Variants in ASTN1 observed in about 807,000 individuals in gnomAD.
The protein encoded by ASTN1 is astrotactin 1, also known as astrotactin-1.
ASTN1 carries 41 observed loss-of-function variants against 140.7 expected under a neutral mutation model. The ratio of observed to expected loss-of-function variants is 0.29; its 90% CI spans 0.23 to 0.38. ASTN1 has a LOEUF of 0.38. ASTN1 is among the 10% of genes least tolerant of loss of function. The probability of loss-of-function intolerance (pLI) is 1.00; values close to 1 mark genes in which losing one functional copy is unlikely to be tolerated. For synonymous variants in ASTN1, 640 were observed against 652.2 expected (o/e 0.98, Z 0.29); for missense variants, 1,479 against 1,678.8 (o/e 0.88, Z 2.08).
At chr1:176,950,766 G>C (rs75618537) in intron 11 of ASTN1, among the ~76,000 whole-genome samples, 18,123 of 152,018 alleles carry the variant, frequency 0.12, 1,371 homozygotes, top group East Asian at 0.18. Flanking sequence ...TCCAATGCTG[G>C]GGCTTTTAAT....
intron 19 of ASTN1, among the ~76,000 whole-genome samples, chr1:176,883,667 A>G (rs1460678907): frequency 6.6e-6 from 1 of 152,206 alleles, no homozygotes; most frequent in East Asian, 1.9e-4. Flanking sequence ...CCTCAGTGGC[A>G]GGCTCACCAG....
intron 8 of ASTN1, among the ~76,000 whole-genome samples, chr1:176,992,851 C>T (rs894784732): frequency 1.3e-5 from 2 of 152,226 alleles, no homozygotes; most frequent in South Asian, 2.1e-4. Flanking sequence ...TTGTCACCCC[C>T]GAAACTCCAC....
chr1:177,151,141 A>G (rs1204582151), intron 1 of ASTN1, among the ~76,000 whole-genome samples: 1 of 152,032 alleles, frequency 6.6e-6, no homozygotes, highest in Non-Finnish European at 1.5e-5. Flanking sequence ...AAAGATGTAT[A>G]TTTTCAAACA....
intron 1 of ASTN1, among the ~76,000 whole-genome samples, chr1:177,122,314 C>A (rs1332604669): frequency 6.6e-6 from 1 of 152,104 alleles, no homozygotes; most frequent in Non-Finnish European, 1.5e-5. Context: ...AGAGGCAGAG[C>A]ACGATGCCAC....
intron 1 of ASTN1, among the ~76,000 whole-genome samples, chr1:177,161,060 A>G (rs890081039): frequency 6.6e-5 from 10 of 152,110 alleles, no homozygotes; most frequent in African/African-American, 2.2e-4. Flanking sequence ...CAATTTGCAA[A>G]CCCCATCTCA....
chr1:176,934,003 C>G (rs1571530882), intron 16 of ASTN1, 149 bp downstream of exon 16: 2 of 862,474 alleles, frequency 2.3e-6, no homozygotes, highest in Admixed American at 3.2e-5. Flanking sequence ...GCAACCAAAC[C>G]TTGGAAATGT....
chr1:176,954,287 A>C (rs1388642998), intron 11 of ASTN1, among the ~76,000 whole-genome samples: 1 of 152,234 alleles, frequency 6.6e-6, no homozygotes, highest in Non-Finnish European at 1.5e-5. Context: ...AAGCAGAAAG[A>C]GGAGGCAGAA....
chr1:176,933,093 G>C (rs1671277915), intron 16 of ASTN1, among the ~76,000 whole-genome samples: 1 of 152,194 alleles, frequency 6.6e-6, no homozygotes, highest in African/African-American at 2.4e-5. Flanking sequence ...GGGGAATGAA[G>C]GACTGCAGCC....
rs1668222277 is a variant in ASTN1 at position 176,868,698 on chromosome 1, G to A, written c.3647+146C>T. The A allele has an allele frequency of 7.5e-6, 6 of 804,060 alleles. No homozygotes were observed. In the Admixed American group the frequency reaches 1.1e-4, roughly 14 times the overall value. 49.8% of individuals were successfully genotyped at this position (804,060 alleles called of 1,614,324 possible). The stretch of plus-strand genomic sequence containing the variant: ...TATCCAAAACTAATCTGCATGGACT[G>A]AACTGTCTTAAATCAGAGGACTGAC... On this transcript the variant is annotated intron_variant, in intron 22 of 22. Coordinates refer to ENST00000361833, the MANE Select transcript of ASTN1 (RefSeq NM_004319.3).
At chr1:177,048,386 C>A (rs1181479075) in intron 2 of ASTN1, among the ~76,000 whole-genome samples, 5 of 152,190 alleles carry the variant, frequency 3.3e-5, no homozygotes, top group Non-Finnish European at 7.3e-5. Flanking sequence ...AGGCAGAGTC[C>A]ACCATCCTAC....
intron 18 of ASTN1, 37 bp from the exon 19 acceptor site, chr1:176,884,527 C>A (rs1668949999): frequency 6.3e-7 from 1 of 1,578,302 alleles, no homozygotes; most frequent in Non-Finnish European, 8.7e-7. Flanking sequence ...AACAGGGACA[C>A]AACTGTGACT....
rs1159492378 is a variant in ASTN1 at position 177,023,541 on chromosome 1, T to C, written c.1301A>G (p.Gln434Arg). The change falls in exon 7 of 23, where the codon CAG (glutamine) becomes CGG (arginine). Residue 434 changes from glutamine to arginine, a missense_variant. Gln to Arg is a conservative substitution (Grantham distance 43). Transcript: ENST00000361833. ...GTTCAGCCAGTCACTGGCATCCAGC[T>C]GGCTCCCCTCCAGCAAGATGAAGCG... The part of the protein sequence containing the change: ...GSRFILLEGS[Q>R]LDASDWLNPA... 1.9e-6 allele frequency: 3 copies of C among 1,602,028 alleles called. No individual in the cohort carries two copies. Among genetic ancestry groups the C allele is most frequent in the South Asian group, 1.1e-5 (1 of 89,394 alleles).
At chr1:177,053,264 A>G (rs892932835) in intron 2 of ASTN1, among the ~76,000 whole-genome samples, 3 of 152,256 alleles carry the variant, frequency 2.0e-5, no homozygotes, top group Non-Finnish European at 4.4e-5. Flanking sequence ...TGAACAGAAT[A>G]TTACATCAAC....
chr1:176,863,584 G>A lies in ASTN1; in HGVS notation c.*700C>T. On this transcript the variant is annotated 3_prime_UTR_variant, in exon 23 of 23. Coordinates refer to ENST00000361833, the MANE Select transcript of ASTN1 (RefSeq NM_004319.3). The stretch of plus-strand genomic sequence containing the variant: ...CAAAGATCATGTTGTTCAGAGGAAG[G>A]GACAGAGATCTGACAGAGGGAGATT... The A allele has an allele frequency of 1.2e-5, 12 of 985,478 alleles. No homozygotes were observed. The highest frequency in any genetic ancestry group is 1.4e-5 in the Non-Finnish European group (12 of 829,982). The allele number at this position is 985,478 out of a possible 1,614,324, so 61.0% of individuals were successfully genotyped here. A position where few individuals can be genotyped will look rare whatever the true frequency, so the allele number is the denominator to read the frequency against.
At chr1:176,879,797 C>T (rs1422305419) in intron 20 of ASTN1, among the ~76,000 whole-genome samples, 3 of 152,212 alleles carry the variant, frequency 2.0e-5, no homozygotes, top group Non-Finnish European at 4.4e-5. Flanking sequence ...GGAGATACTT[C>T]ACTTAACCTT....
Position 177,130,751 on chromosome 1 carries a change from G to C in ASTN1, c.283+33643C>G, listed in dbSNP as rs1571828390. 3.9e-5 allele frequency among the ~76,000 whole-genome samples: 6 copies of C among 152,300 alleles called. 1 individual carries two copies. The South Asian group carries it at 1.2e-3, about 32-fold the overall frequency. ...TCAAGGGTAATTAAATCAGGAATTA[G>C]TATCACCTAGAGACTTTGGCATGAG... On this transcript the variant is annotated intron_variant, in intron 1 of 22. Coordinates refer to ENST00000361833, the MANE Select transcript of ASTN1 (RefSeq NM_004319.3).
At chr1:177,051,596 T>C (rs1021293199) in intron 2 of ASTN1, among the ~76,000 whole-genome samples, 1 of 152,234 alleles carries the variant, frequency 6.6e-6, no homozygotes, top group African/African-American at 2.4e-5. Flanking sequence ...ACATTTACTA[T>C]ACCTAAATCT....
chr1:176,861,592 C>T lies in ASTN1; in HGVS notation c.*2692G>A, dbSNP rs1389884074. On this transcript the variant is annotated 3_prime_UTR_variant, in exon 23 of 23. Coordinates refer to ENST00000361833, the MANE Select transcript of ASTN1 (RefSeq NM_004319.3). ...TCCTCCAGTCAATTGTACAACCATC[C>T]TAAGATTTTCCCCTGCCCTGTTCAT... The T allele has an allele frequency of 1.4e-5, 14 of 985,460 alleles. No homozygotes were observed. Among genetic ancestry groups the T allele is most frequent in the African/African-American group, 1.7e-5 (1 of 57,222 alleles). The allele number at this position is 985,460 out of a possible 1,614,324, so 61.0% of individuals were successfully genotyped here.
chr1:176,960,597 AACT>A lies in ASTN1; in HGVS notation c.1599-2118_1599-2116del, dbSNP rs372623749. On this transcript the variant is annotated intron_variant, in intron 9 of 22. Coordinates refer to ENST00000361833, the MANE Select transcript of ASTN1 (RefSeq NM_004319.3). ...AGAAAAGCAAATCACATCTTCCACC[AACT>A]TAAACTGTTTATGGCACCCTGTACC... 1.4e-4 allele frequency among the ~76,000 whole-genome samples: 21 copies of A among 152,304 alleles called. No individual in the cohort carries two copies. The East Asian group carries it at 4.1e-3, about 29-fold the overall frequency.
Sources: gnomAD v4.1 joint callset for allele counts (sites outside exome capture counted in the v4.1 genomes callset) on GRCh38, gnomAD v4.1.1 for gene constraint, MANE v1.5 for transcripts, NCBI Gene and HGNC (gene_info 2026-07-23, HGNC 2026-07-21) for gene names.